URB1: variants seen among roughly 807,000 people sequenced by gnomAD.
URB1 encodes nucleolar pre-ribosomal-associated protein 1.
URB1 carries 197 observed loss-of-function variants against 242.3 expected under a neutral mutation model. That is an observed-to-expected ratio of 0.81 (90% CI 0.72 to 0.91). The LOEUF (loss-of-function observed/expected upper bound fraction) is 0.91. Among genes scored for constraint, URB1 ranks in the 40% least tolerant of loss-of-function variants. The probability of loss-of-function intolerance (pLI) is 0.00; values close to 1 mark genes in which losing one functional copy is unlikely to be tolerated. For synonymous variants in URB1, 1,153 were observed against 1,201.8 expected, an observed-to-expected ratio of 0.96 and a Z score of 0.84; for missense variants, 2,721 against 2,860.5, an observed-to-expected ratio of 0.95 and a Z score of 1.11.
chr21:32,323,598 A>G (rs2032793304), intron 32 of URB1, among the ~76,000 whole-genome samples: 1 of 152,214 alleles, frequency 6.6e-6, no homozygotes, highest in Non-Finnish European at 1.5e-5. Context: ...GCATGAATCA[A>G]TGATGAATAA....
intron 5 of URB1, 107 bp downstream of exon 5, chr21:32,378,338 A>G (rs2123618709): frequency 1.0e-6 from 1 of 994,632 alleles, no homozygotes; most frequent in Non-Finnish European, 1.5e-6. Flanking sequence ...TCTGGTGTAC[A>G]CAGCAACTGC....
chr21:32,337,325 T>A, intron 27 of URB1, 79 bp downstream of exon 27: 1 of 1,403,918 alleles, frequency 7.1e-7, no homozygotes, highest in African/African-American at 1.4e-5. Flanking sequence ...TCCCTCCAGC[T>A]CTCATTCCCT....
intron 38 of URB1, among the ~76,000 whole-genome samples, chr21:32,315,976 A>C (rs1004753203): frequency 1.3e-5 from 2 of 152,212 alleles, no homozygotes; most frequent in Non-Finnish European, 2.9e-5. Context: ...ACTCATTCAC[A>C]CTGCTAGGCT....
intron 11 of URB1, among the ~76,000 whole-genome samples, chr21:32,362,455 A>T (rs987833569): frequency 6.6e-5 from 10 of 152,112 alleles, no homozygotes; most frequent in Non-Finnish European, 1.3e-4. Flanking sequence ...TGATCCACCC[A>T]TCTCAGCCTC....
intron 34 of URB1, 54 bp downstream of exon 34, chr21:32,321,747 T>G: frequency 6.5e-7 from 1 of 1,539,632 alleles, no homozygotes; most frequent in Non-Finnish European, 8.8e-7. Context: ...AGATAAAATC[T>G]TAAGAAGGGG....
Position 32,317,866 on chromosome 21 carries a change from G to T in URB1, c.5844C>A (p.Ser1948=). ...TGACAGTGGCCCGGTACCTCAGCAC[G>T]GAGTCAAGTGTCCCGAAGAAGTTGG... ...QLTNFFGTLD[S]VLRYRATVIQ... Residue 1948 remains serine (S), a synonymous_variant, in exon 37 of 39, where the codon TCC becomes TCA. Coordinates refer to ENST00000382751, the MANE Select transcript of URB1 (RefSeq NM_014825.3). 1 of 1,551,750 alleles carries T rather than the reference G, an allele frequency of 6.4e-7. No homozygotes were observed. Among genetic ancestry groups the T allele is most frequent in the South Asian group, 1.2e-5 (1 of 84,050 alleles).
In URB1 at chr21:32,344,617, T is replaced by C. The variant is rs984458164; in HGVS notation, c.4210A>G (p.Thr1404Ala). ...FSGGQQDDDNTQNQEKEMLLR... is the reference protein window; with the variant it reads ...FSGGQQDDDNAQNQEKEMLLR... ...AGCATTTCCTTCTCCTGATTCTGAG[T>C]ATTATCATCATCTTGCTGTCCACCA... Residue 1404 changes from threonine (T) to alanine (A), a missense_variant, in exon 24 of 39, where the codon ACT becomes GCT. Thr to Ala is a moderately conservative substitution (Grantham distance 58, BLOSUM62 0). Transcript: ENST00000382751. 1 of 1,552,248 alleles carries C rather than the reference T, an allele frequency of 6.4e-7. No individual in the cohort carries two copies. Among genetic ancestry groups the C allele is most frequent in the Non-Finnish European group, 8.7e-7 (1 of 1,147,160 alleles).
chr21:32,312,065 C>T lies in URB1; in HGVS notation c.*2853G>A, dbSNP rs747888511. ...AGCCAACCTGGACACATACGTTCCT[C>T]GTTCTTCTTAGAGGCCATTTGCATG... On this transcript the variant is annotated 3_prime_UTR_variant, in exon 39 of 39. Transcript: ENST00000382751. 77 of 1,606,374 alleles carry T rather than the reference C, an allele frequency of 4.8e-5. No homozygotes were observed. The highest frequency in any genetic ancestry group is 5.9e-5 in the Non-Finnish European group (70 of 1,179,756).
In URB1 at chr21:32,311,770, G is replaced by C. The variant is rs780029065; in HGVS notation, c.*3148C>G. ...ATCCAGAAGTGCCTGCCGTGCCACA[G>C]GGAACCCCTGGCAACCTCACAGGCT... is the stretch of plus-strand genomic sequence containing the variant. On this transcript the variant is annotated 3_prime_UTR_variant, in exon 39 of 39. Coordinates refer to ENST00000382751, the MANE Select transcript of URB1 (RefSeq NM_014825.3). The C allele has an allele frequency of 1.2e-5, 20 of 1,614,138 alleles. No homozygotes were observed. In the South Asian group the frequency reaches 2.1e-4, roughly 17 times the overall value.
At position 32,319,272 on chromosome 21, in the gene URB1, G is replaced by C; in HGVS notation, c.5737C>G (p.Leu1913Val). The stretch of plus-strand genomic sequence containing the variant: ...TAAAGGAACTCATTGACCAGGTGCA[G>C]GGCAAGCCGCTTGGCAGGCTCCTGG... ...SSQEPAKRLA[L>V]HLVNEFLYVL... is the part of the protein sequence containing the mutation. The change falls in exon 36 of 39, where the codon CTG (leucine) becomes GTG (valine). Residue 1913 changes from leucine to valine, a missense_variant. Transcript: ENST00000382751. 6.4e-7 allele frequency: 1 copy of C among 1,551,296 alleles called. No homozygotes were observed. Among genetic ancestry groups the C allele is most frequent in the Non-Finnish European group, 8.7e-7 (1 of 1,146,796 alleles).
Position 32,312,100 on chromosome 21 carries a change from G to T in URB1, c.*2818C>A. ...AGAGGCCATTTGCATGTAGCAGAAA[G>T]GGCACCTAGGTCAAGTGCAACTAGA... On this transcript the variant is annotated 3_prime_UTR_variant, in exon 39 of 39. Transcript: ENST00000382751. The T allele has an allele frequency of 6.3e-7, 1 of 1,581,368 alleles. No individual in the cohort carries two copies. Among genetic ancestry groups the T allele is most frequent in the East Asian group, 2.3e-5 (1 of 44,210 alleles).
intron 4 of URB1, among the ~76,000 whole-genome samples, chr21:32,381,205 C>T (rs986311240): frequency 1.3e-5 from 2 of 152,196 alleles, no homozygotes; most frequent in African/African-American, 4.8e-5. Flanking sequence ...CATTCCCACC[C>T]TGTGACCTCA....
chr21:32,373,849 T>C (rs2033431762), intron 6 of URB1, 77 bp from the exon 7 acceptor site: 1 of 1,285,462 alleles, frequency 7.8e-7, no homozygotes, highest in East Asian at 3.0e-5. Flanking sequence ...TTTTAAATGG[T>C]GCTTACTGTT....
intron 19 of URB1, among the ~76,000 whole-genome samples, 154 bp downstream of exon 19, chr21:32,352,556 C>T (rs1389230185): frequency 6.6e-6 from 1 of 152,200 alleles, no homozygotes; most frequent in Non-Finnish European, 1.5e-5. Flanking sequence ...AGGGATACTA[C>T]TTAGCTTCCT....
At chr21:32,325,194 A>C in intron 31 of URB1, 35 bp downstream of exon 31, 1 of 1,523,508 alleles carries the variant, frequency 6.6e-7, no homozygotes, top group Non-Finnish European at 8.9e-7. Context: ...CGCCAGGCCC[A>C]CCCCCACAGT....
chr21:32,317,598 CAG>C, intron 37 of URB1, 76 bp downstream of exon 37: 11 of 1,505,006 alleles, frequency 7.3e-6, no homozygotes, highest in South Asian at 1.3e-5. Context: ...GGCTGAGAGA[CAG>C]AGAGAGAGGG....
intron 2 of URB1, 24 bp downstream of exon 2, chr21:32,385,521 C>T: frequency 6.5e-7 from 1 of 1,545,148 alleles, no homozygotes; most frequent in East Asian, 2.4e-5. Flanking sequence ...TTCTCTTCAT[C>T]AAGCCATGTA....
At chr21:32,368,799 T>C (rs1335872851) in intron 8 of URB1, among the ~76,000 whole-genome samples, 2 of 151,702 alleles carry the variant, frequency 1.3e-5, no homozygotes, top group African/African-American at 2.4e-5. Context: ...TCTCATCCTC[T>C]ACTTCTGAGT....
chr21:32,337,207 C>T, intron 27 of URB1, 50 bp from the exon 28 acceptor site: 1 of 1,535,746 alleles, frequency 6.5e-7, no homozygotes. Flanking sequence ...CTGACACCCT[C>T]CTGCTGCTCC....
Sources: gnomAD v4.1 joint callset for allele counts (sites outside exome capture counted in the v4.1 genomes callset) on GRCh38, gnomAD v4.1.1 for gene constraint, MANE v1.5 for transcripts, NCBI Gene and HGNC (gene_info 2026-07-23, HGNC 2026-07-21) for gene names.